Variants in STK3 observed in about 807,000 individuals in gnomAD.
STK3 encodes the protein serine/threonine-protein kinase 3.
In STK3, 41 loss-of-function variants were observed where a neutral mutation model predicts 58.0. That is an observed-to-expected ratio of 0.71 (90% CI 0.55 to 0.92). The LOEUF is 0.92. Among genes scored for constraint, STK3 ranks in the 40% least tolerant of loss-of-function variants. STK3 has a pLI of 0.00. For missense variants in STK3, 479 were observed against 602.7 expected, an observed-to-expected ratio of 0.79 and a Z score of 2.15; for synonymous variants, 170 against 191.0, an observed-to-expected ratio of 0.89 and a Z score of 0.91.
intron 9 of STK3, among the ~76,000 whole-genome samples, chr8:98,532,524 T>C (rs144514565): frequency 6.6e-6 from 1 of 152,264 alleles, no homozygotes; most frequent in Non-Finnish European, 1.5e-5. Flanking sequence ...AGTACCAAAC[T>C]ATGACACAGA....
chr8:98,905,123 C>G, intron 1 of STK3: 2 of 1,443,440 alleles, frequency 1.4e-6, no homozygotes, highest in South Asian at 1.1e-5. Flanking sequence ...CCACACGACC[C>G]GTACGATCTA....
At chr8:98,457,606 A>G (rs1406783615) in intron 10 of STK3, among the ~76,000 whole-genome samples, 1 of 152,196 alleles carries the variant, frequency 6.6e-6, no homozygotes, top group Non-Finnish European at 1.5e-5. Context: ...TCATGTCCCT[A>G]GATATTCCAA....
intron 1 of STK3, among the ~76,000 whole-genome samples, chr8:98,783,703 CA>C (rs1832267931): frequency 6.6e-6 from 1 of 152,228 alleles, no homozygotes; most frequent in Non-Finnish European, 1.5e-5. Flanking sequence ...GTAGAACTTT[CA>C]AAATTGGAAT....
intron 1 of STK3, among the ~76,000 whole-genome samples, chr8:98,380,182 G>A (rs1321250135): frequency 6.6e-6 from 1 of 152,126 alleles, no homozygotes; most frequent in Non-Finnish European, 1.5e-5. Flanking sequence ...TAATTAACAG[G>A]TGTAAGTTTT....
At chr8:98,914,547 T>C (rs1243246146) in intron 1 of STK3, among the ~76,000 whole-genome samples, 1 of 152,160 alleles carries the variant, frequency 6.6e-6, no homozygotes, top group African/African-American at 2.4e-5. Flanking sequence ...TTATTTCAGT[T>C]GTTTGTTCAC....
chr8:98,586,686 T>C (rs1397565689), intron 7 of STK3, among the ~76,000 whole-genome samples: 3 of 151,968 alleles, frequency 2.0e-5, no homozygotes, highest in Non-Finnish European at 2.9e-5. Context: ...CAGTTCCTCC[T>C]TGTACCTCTG....
intron 9 of STK3, 118 bp from the exon 10 acceptor site, chr8:98,527,035 G>A: frequency 1.5e-6 from 1 of 668,650 alleles, no homozygotes; most frequent in East Asian, 3.0e-5. Flanking sequence ...CAGATTCAAG[G>A]CCAACATAAT....
chr8:98,569,637 A>G (rs955462351), intron 8 of STK3, among the ~76,000 whole-genome samples: 2 of 152,156 alleles, frequency 1.3e-5, no homozygotes, highest in African/African-American at 4.8e-5. Flanking sequence ...GGAGACAATT[A>G]TTGGTTCTGA....
At chr8:98,769,212 T>C (rs1211850114) in intron 2 of STK3, among the ~76,000 whole-genome samples, 2 of 152,244 alleles carry the variant, frequency 1.3e-5, no homozygotes, top group Admixed American at 1.3e-4. Flanking sequence ...ATGAGAATCT[T>C]GAATTAGTTC....
intron 3 of STK3, among the ~76,000 whole-genome samples, chr8:98,758,055 G>C (rs1830406195): frequency 1.3e-5 from 2 of 152,218 alleles, no homozygotes; most frequent in South Asian, 2.1e-4. Context: ...TCAAAACACT[G>C]TAACACTCTA....
chr8:98,484,792 A>C (rs1822116491), intron 10 of STK3, among the ~76,000 whole-genome samples: 1 of 152,188 alleles, frequency 6.6e-6, no homozygotes, highest in African/African-American at 2.4e-5. Context: ...GTTATGACAA[A>C]TAATATCTAT....
chr8:98,598,680 T>C, intron 6 of STK3: 1 of 985,334 alleles, frequency 1.0e-6, no homozygotes, highest in Non-Finnish European at 1.2e-6. Context: ...GACTAACAAT[T>C]CATTCCCTTG....
rs139521229 is a variant in STK3, at chr8:98,589,819, C to T, written c.822+6213G>A. 6.9e-3 allele frequency among the ~76,000 whole-genome samples: 1,058 copies of T among 152,272 alleles called. 9 individuals carry two copies. Among genetic ancestry groups the T allele is most frequent in the African/African-American group, 0.023 (961 of 41,554 alleles). Reference sequence around the variant, plus strand: ...CTCGTGGTGCACCATTTTTTAAGCCCGTCGGAAAAGTGCAGTATTAGGGTG... The same window carrying T: ...CTCGTGGTGCACCATTTTTTAAGCCTGTCGGAAAAGTGCAGTATTAGGGTG... On this transcript the variant is annotated intron_variant, in intron 7 of 10. Transcript: ENST00000419617.
chr8:98,356,692 G>T, the STK3 span, among the ~76,000 whole-genome samples: 1 of 152,186 alleles, frequency 6.6e-6, no homozygotes, highest in Non-Finnish European at 1.5e-5. Context: ...TTCCTTTCAA[G>T]AACTGGTGTT....
At chr8:98,518,086 T>C (rs906589637) in intron 10 of STK3, among the ~76,000 whole-genome samples, 2 of 152,134 alleles carry the variant, frequency 1.3e-5, no homozygotes, top group Non-Finnish European at 2.9e-5. Flanking sequence ...TTGTGCTTCT[T>C]GGAGCTCTTT....
intron 1 of STK3, among the ~76,000 whole-genome samples, chr8:98,906,717 A>C (rs1263486289): frequency 1.3e-5 from 2 of 152,222 alleles, no homozygotes; most frequent in African/African-American, 4.8e-5. Context: ...CATTTTATTC[A>C]AACTTTTTAA....
At chr8:98,859,377 C>T (rs571865718) in intron 3 of STK3, among the ~76,000 whole-genome samples, 2 of 152,074 alleles carry the variant, frequency 1.3e-5, no homozygotes, top group East Asian at 1.9e-4. Flanking sequence ...CTAGGCAAAG[C>T]GAAAACAGCA....
At chr8:98,665,521 C>T (rs1387704542) in intron 6 of STK3, among the ~76,000 whole-genome samples, 1 of 151,976 alleles carries the variant, frequency 6.6e-6, no homozygotes, top group Non-Finnish European at 1.5e-5. Flanking sequence ...CATCAGCCTC[C>T]GGAGCAGCTG....
At chr8:98,353,871 T>C in the STK3 span, among the ~76,000 whole-genome samples, 1 of 151,570 alleles carries the variant, frequency 6.6e-6, no homozygotes, top group Non-Finnish European at 1.5e-5. Flanking sequence ...CTTTTGTTGT[T>C]CTCTGGGCAG....
Sources: allele counts gnomAD v4.1 joint callset (sites outside exome capture counted in the v4.1 genomes callset), GRCh38; gene constraint gnomAD v4.1.1; transcripts MANE v1.5; gene names NCBI Gene and HGNC (gene_info 2026-07-23, HGNC 2026-07-21).